NAT10: variants seen among roughly 807,000 people sequenced by gnomAD.
The protein encoded by NAT10 is N-acetyltransferase 10, also known as RNA cytidine acetyltransferase.
Under a neutral mutation model 132.2 loss-of-function variants are expected in NAT10, and 109 were observed. The ratio of observed to expected loss-of-function variants is 0.82; its 90% confidence interval spans 0.71 to 0.97. The LOEUF (loss-of-function observed/expected upper bound fraction) is 0.97, where lower values mean the gene tolerates loss of function less well. Among genes scored for constraint, NAT10 ranks in the 50% least tolerant of loss-of-function variants. The probability of loss-of-function intolerance (pLI) is 0.00; values close to 1 mark genes in which losing one functional copy is unlikely to be tolerated. For missense variants in NAT10, 1,184 were observed against 1,263.4 expected (o/e 0.94, Z 0.95); for synonymous variants, 479 against 478.0 (o/e 1.00, Z -0.03).
In NAT10 at chr11:34,108,256, C is replaced by T. The variant is rs374897204; in HGVS notation, c.31C>T (p.Arg11Trp). 76 of 1,613,970 alleles carry T rather than the reference C, an allele frequency of 4.7e-5. 1 individual carries two copies. The South Asian group carries it at 6.6e-4, about 14-fold the overall frequency. The change falls in exon 2 of 29, where the codon CGG becomes TGG. Residue 11 changes from arginine to tryptophan, a missense_variant. Transcript: ENST00000257829. MHRKKVDNRI[R>W]ILIENGVAER... is the part of the protein sequence containing the mutation. Reference sequence around the variant, plus strand: ...TCGGAAAAAGGTGGATAACCGAATCCGGATTCTCATTGAGAATGGAGTAGC... The same window carrying T: ...TCGGAAAAAGGTGGATAACCGAATCTGGATTCTCATTGAGAATGGAGTAGC...
chr11:34,114,484 A>G (rs984108545), intron 5 of NAT10, among the ~76,000 whole-genome samples: 13 of 152,150 alleles, frequency 8.5e-5, no homozygotes, highest in African/African-American at 2.9e-4. Flanking sequence ...AGCTGCATTT[A>G]TCTGATGAAA....
intron 25 of NAT10, 33 bp downstream of exon 25, chr11:34,141,241 C>T (rs1403647100): frequency 6.2e-7 from 1 of 1,612,776 alleles, no homozygotes; most frequent in Non-Finnish European, 8.5e-7. Context: ...GGCTTGATGT[C>T]TCTCAAATAG....
Position 34,131,524 on chromosome 11 carries a change from T to G in NAT10, c.1513T>G (p.Cys505Gly), listed in dbSNP as rs2132965277. The change falls in exon 14 of 29, where the codon TGT becomes GGT. Residue 505 changes from cysteine to glycine, a missense_variant. Coordinates refer to ENST00000257829, the MANE Select transcript of NAT10 (RefSeq NM_024662.3). ...CTCAGGCTGCCCCTTGCCTGAAGCT[T>G]GTGAACTGTATCCTCCTCTGGGTTT... ...IVSGCPLPEA[C>G]ELYYVNRDTL... is the part of the protein sequence containing the mutation. 1 of 1,613,720 alleles carries G rather than the reference T, an allele frequency of 6.2e-7. No homozygotes were observed. The highest frequency in any genetic ancestry group is 8.5e-7 in the Non-Finnish European group (1 of 1,179,820).
intron 8 of NAT10, among the ~76,000 whole-genome samples, chr11:34,118,725 G>A (rs529661376): frequency 8.8e-4 from 134 of 152,258 alleles, no homozygotes; most frequent in African/African-American, 3.1e-3. Context: ...TCAGGCTACA[G>A]ATAGAGCAGA....
Position 34,130,891 on chromosome 11 carries a change from C to T in NAT10, c.1323C>T (p.Ser441=). The T allele has an allele frequency of 6.2e-7, 1 of 1,614,210 alleles. No individual in the cohort carries two copies. Among genetic ancestry groups the T allele is most frequent in the Non-Finnish European group, 8.5e-7 (1 of 1,180,024 alleles). The change falls in exon 13 of 29, where the codon AGC becomes AGT. Residue 441 remains serine, a synonymous_variant. Transcript: ENST00000257829. ...AACAGAGCGCCCAGAGCCAGGTCAGCACCACTGCTGAGAATAAGACCACGA... is the reference window on the plus strand; with the variant it reads ...AACAGAGCGCCCAGAGCCAGGTCAGTACCACTGCTGAGAATAAGACCACGA... ...LRQQSAQSQV[S]TTAENKTTTT... is the part of the protein sequence containing the mutation.
intron 5 of NAT10, among the ~76,000 whole-genome samples, chr11:34,114,446 G>T (rs551185677): frequency 6.6e-6 from 1 of 152,310 alleles, no homozygotes; most frequent in South Asian, 2.1e-4. Flanking sequence ...CTCAGTAATG[G>T]TGGTCGGATT....
rs79771603 is a variant in NAT10 at position 34,119,694 on chromosome 11, A to G, written c.780+1191A>G. 6.0e-3 allele frequency among the ~76,000 whole-genome samples: 912 copies of G among 152,370 alleles called. 18 individuals are homozygous for G. The highest frequency in any genetic ancestry group is 0.021 in the African/African-American group (882 of 41,594). On this transcript the variant is annotated intron_variant, in intron 8 of 28. Coordinates refer to ENST00000257829, the MANE Select transcript of NAT10 (RefSeq NM_024662.3). ...AAACAACTGCTATTAACAGTTTATTATGTATCCTGCTGCCTCTTTTTTCAT... is the reference window on the plus strand; with the variant it reads ...AAACAACTGCTATTAACAGTTTATTGTGTATCCTGCTGCCTCTTTTTTCAT...
Position 34,127,457 on chromosome 11 carries a change from C to T in NAT10, c.1108-6C>T. The T allele has an allele frequency of 6.2e-7, 1 of 1,600,556 alleles. No homozygotes were observed. Among genetic ancestry groups the T allele is most frequent in the Non-Finnish European group, 8.5e-7 (1 of 1,170,842 alleles). ...TGCTAATAATCTAAATTTTCCTTCC[C>T]CATAGTATATACATCCTGCAGATGC... On this transcript the variant is annotated splice_polypyrimidine_tract_variant and splice_region_variant and intron_variant, in intron 11 of 28. Coordinates refer to ENST00000257829, the MANE Select transcript of NAT10 (RefSeq NM_024662.3).
At chr11:34,113,959 G>A in intron 5 of NAT10, 121 bp downstream of exon 5, 1 of 1,185,126 alleles carries the variant, frequency 8.4e-7, no homozygotes, top group Admixed American at 2.5e-5. Flanking sequence ...CAGCCTCTGG[G>A]CTAAGAGCTC....
intron 28 of NAT10, 75 bp from the exon 29 acceptor site, chr11:34,146,009 A>T (rs951890397): frequency 9.1e-7 from 1 of 1,099,004 alleles, no homozygotes; most frequent in Non-Finnish European, 1.3e-6. Flanking sequence ...TTGACAAAGC[A>T]AAGCAAGCTT....
intron 21 of NAT10, 189 bp from the exon 22 acceptor site, chr11:34,139,002 T>C: frequency 1.7e-6 from 1 of 578,876 alleles, no homozygotes; most frequent in South Asian, 2.1e-5. Flanking sequence ...CTGTTGTGTG[T>C]GAACTGAGGT....
intron 4 of NAT10, 105 bp downstream of exon 4, chr11:34,112,328 C>T: frequency 3.7e-6 from 5 of 1,350,224 alleles, no homozygotes; most frequent in Non-Finnish European, 4.1e-6. Context: ...GAGGAGAGTC[C>T]CATGTTCCCT....
At chr11:34,135,434 T>G (rs1852191189) in intron 19 of NAT10, 143 bp downstream of exon 19, 1 of 666,372 alleles carries the variant, frequency 1.5e-6, no homozygotes, top group Non-Finnish European at 2.7e-6. Context: ...CCGAACACTT[T>G]AGATCCTCAG....
Position 34,140,511 on chromosome 11 carries a change from C to T in NAT10, c.2531C>T (p.Ala844Val). Residue 844 changes from alanine (A) to valine (V), a missense_variant, in exon 24 of 29, where the codon GCC (alanine) becomes GTC (valine). Transcript: ENST00000257829. The stretch of plus-strand genomic sequence containing the variant: ...CACCTCATCATGGACATGATCCCGG[C>T]CATCTCTCGCATCTATTTCCTGAAC... The part of the protein sequence containing the change: ...DYHLIMDMIP[A>V]ISRIYFLNQL... 6.2e-7 allele frequency: 1 copy of T among 1,614,208 alleles called. No individual in the cohort carries two copies. Among genetic ancestry groups the T allele is most frequent in the African/African-American group, 1.3e-5 (1 of 75,058 alleles).
chr11:34,115,537 T>A (rs955106691), intron 5 of NAT10, among the ~76,000 whole-genome samples: 1 of 152,252 alleles, frequency 6.6e-6, no homozygotes, highest in African/African-American at 2.4e-5. Context: ...TTCATTAGTG[T>A]ATGCACAGCA....
chr11:34,122,385 C>G, intron 8 of NAT10, 74 bp from the exon 9 acceptor site: 1 of 1,590,912 alleles, frequency 6.3e-7, no homozygotes, highest in South Asian at 1.1e-5. Flanking sequence ...CCTCACTTCT[C>G]CACAGTGATG....
intron 3 of NAT10, 46 bp downstream of exon 3, chr11:34,108,879 T>G: frequency 6.6e-7 from 1 of 1,523,244 alleles, no homozygotes; most frequent in Non-Finnish European, 9.0e-7. Flanking sequence ...CAATTCCTGC[T>G]CATTAGTTAA....
intron 23 of NAT10, 29 bp downstream of exon 23, chr11:34,139,524 T>C: frequency 6.3e-7 from 1 of 1,591,558 alleles, no homozygotes; most frequent in East Asian, 2.2e-5. Flanking sequence ...GGGAGGAGGG[T>C]TGGGAATGGC....
chr11:34,141,408 TCACACACACACACACACACACA>T (rs59489457), intron 25 of NAT10, among the ~76,000 whole-genome samples, 200 bp downstream of exon 25: 1 of 132,868 alleles, frequency 7.5e-6, no homozygotes, highest in Non-Finnish European at 1.6e-5. Flanking sequence ...TCATCACACA[TCACACACACACACACACACACA>T]CACACACACA....
Sources: allele counts gnomAD v4.1 joint callset (sites outside exome capture counted in the v4.1 genomes callset), GRCh38; gene constraint gnomAD v4.1.1; transcripts MANE v1.5; gene names NCBI Gene and HGNC (gene_info 2026-07-23, HGNC 2026-07-21).